Variants in ALKBH1 observed in about 807,000 individuals in gnomAD.
The protein encoded by ALKBH1 is alkB homolog 1, histone H2A dioxygenase.
In ALKBH1, 31 loss-of-function variants were observed where a neutral mutation model predicts 36.6. The ratio of observed to expected loss-of-function variants is 0.85; its 90% CI spans 0.64 to 1.14. The LOEUF (loss-of-function observed/expected upper bound fraction) is 1.14. Ranked by LOEUF, ALKBH1 falls within the 50% of genes most tolerant of loss-of-function variation. The pLI, the probability that ALKBH1 is intolerant of heterozygous loss-of-function variation, is 0.00. For synonymous variants in ALKBH1, 183 were observed against 186.6 expected (o/e 0.98, Z 0.16); for missense variants, 490 against 497.3 (o/e 0.99, Z 0.14).
intron 3 of ALKBH1, among the ~76,000 whole-genome samples, chr14:77,681,721 G>A (rs1046177499): frequency 1.3e-5 from 2 of 152,212 alleles, no homozygotes; most frequent in African/African-American, 2.4e-5. Context: ...CACCTAAACT[G>A]TGCAAACAAT....
At position 77,683,319 on chromosome 14, in the gene ALKBH1, T is replaced by C. The variant is rs1262795055; in HGVS notation, c.456-3349A>G. 5.4e-6 allele frequency: 4 copies of C among 740,640 alleles called. No individual in the cohort carries two copies. In the East Asian group the frequency reaches 1.0e-4, roughly 19 times the overall value. The allele number at this position is 740,640 out of a possible 1,614,324, so 45.9% of individuals were successfully genotyped here. On this transcript the variant is annotated intron_variant, in intron 3 of 5. Transcript: ENST00000216489. ...GGCACTTCAGTTGAACTCAGGTACCTTTCTCTTTGGGTTCTTTTTCTGATC... is the reference window on the plus strand; with the variant it reads ...GGCACTTCAGTTGAACTCAGGTACCCTTCTCTTTGGGTTCTTTTTCTGATC...
rs79717644 is a variant in ALKBH1 at position 77,682,051 on chromosome 14, T to C, written c.456-2081A>G. On this transcript the variant is annotated intron_variant, in intron 3 of 5. Transcript: ENST00000216489. ...CTGAGTCCTGAGTCTTCCTGGCGAA[T>C]CATCAAATTTGGGTGTGGTTTTGGG... 5.3e-5 allele frequency among the ~76,000 whole-genome samples: 8 copies of C among 152,266 alleles called. No homozygotes were observed. The East Asian group carries it at 1.5e-3, about 29-fold the overall frequency.
Position 77,673,615 on chromosome 14 carries a change from C to A in ALKBH1, c.*197G>T. Reference sequence around the variant, plus strand: ...CAGCCAACATGTAACTAGGAACAGACCATGTCAAACACTTCTCTGAGCAAA... The same window carrying A: ...CAGCCAACATGTAACTAGGAACAGAACATGTCAAACACTTCTCTGAGCAAA... On this transcript the variant is annotated 3_prime_UTR_variant, in exon 6 of 6. Transcript: ENST00000216489. 2 of 598,848 alleles carry A rather than the reference C, an allele frequency of 3.3e-6. No homozygotes were observed. The highest frequency in any genetic ancestry group is 3.0e-5 in the Admixed American group (1 of 32,854). 37.1% of individuals were successfully genotyped at this position (598,848 alleles called of 1,614,324 possible).
intron 2 of ALKBH1, among the ~76,000 whole-genome samples, chr14:77,700,289 C>T (rs1208556798): frequency 1.3e-5 from 2 of 152,062 alleles, no homozygotes; most frequent in Admixed American, 6.6e-5. Flanking sequence ...TAGATTCTTG[C>T]AGATATAGAA....
chr14:77,707,593 T>C (rs980184152), intron 1 of ALKBH1, among the ~76,000 whole-genome samples: 4 of 152,172 alleles, frequency 2.6e-5, no homozygotes, highest in African/African-American at 4.8e-5. Flanking sequence ...TCCCAGGCTC[T>C]TTTGACTGAG....
Position 77,673,808 on chromosome 14 carries a change from A to T in ALKBH1, c.*4T>A. 1 of 1,607,720 alleles carries T rather than the reference A, an allele frequency of 6.2e-7. No individual in the cohort carries two copies. The highest frequency in any genetic ancestry group is 1.1e-5 in the South Asian group (1 of 90,604). Reference sequence around the variant, plus strand: ...CTGAGTAAAAAGGATGGGATCTCCAAGTCTCAGCTGTCAGGGTTTATCCTG... The same window carrying T: ...CTGAGTAAAAAGGATGGGATCTCCATGTCTCAGCTGTCAGGGTTTATCCTG... On this transcript the variant is annotated 3_prime_UTR_variant, in exon 6 of 6. Transcript: ENST00000216489.
At position 77,681,317 on chromosome 14, in the gene ALKBH1, T is replaced by C. The variant is rs553046431; in HGVS notation, c.456-1347A>G. On this transcript the variant is annotated intron_variant, in intron 3 of 5. Coordinates refer to ENST00000216489, the MANE Select transcript of ALKBH1 (RefSeq NM_006020.3). ...AGCTCAAAGTCAGCTGTCGAATCAG[T>C]TGGGGCTTCTTGGCAGAGTTGGGAG... Among the ~76,000 whole-genome samples the C allele has an allele frequency of 7.9e-5, 12 of 152,158 alleles. No individual in the cohort carries two copies. In the South Asian group the frequency reaches 2.5e-3, roughly 32 times the overall value.
chr14:77,673,012 G>C lies in ALKBH1; in HGVS notation c.*800C>G, dbSNP rs2080184572. 1 of 152,128 alleles carries C rather than the reference G, an allele frequency of 6.6e-6. No homozygotes were observed. Among genetic ancestry groups the C allele is most frequent in the Admixed American group, 6.5e-5 (1 of 15,270 alleles). 9.4% of individuals were successfully genotyped at this position (152,128 alleles called of 1,614,324 possible). ...AACAGAAAAAAAAACCTTAATCCCA[G>C]ATAGACTAAACCCCAAAGACAGATA... On this transcript the variant is annotated 3_prime_UTR_variant, in exon 6 of 6. Transcript: ENST00000216489.
At chr14:77,677,684 G>A (rs770463720) in intron 4 of ALKBH1, among the ~76,000 whole-genome samples, 7 of 152,142 alleles carry the variant, frequency 4.6e-5, no homozygotes, top group Non-Finnish European at 8.8e-5. Flanking sequence ...GAATGGCCTG[G>A]TCTCTTCAGT....
chr14:77,703,379 C>T (rs1423137756), intron 2 of ALKBH1, among the ~76,000 whole-genome samples: 3 of 151,390 alleles, frequency 2.0e-5, no homozygotes, highest in African/African-American at 7.3e-5. Context: ...ACAAGCTCTG[C>T]CTCCCGGGAT....
chr14:77,673,780 T>TGCCTGAGTAAAAAGGATGGGATCTCCAA lies in ALKBH1; in HGVS notation c.*4_*31dup. The TGCCTGAGTAAAAAGGATGGGATCTCCAA allele has an allele frequency of 6.3e-7, 1 of 1,586,704 alleles. No homozygotes were observed. The highest frequency in any genetic ancestry group is 8.6e-7 in the Non-Finnish European group (1 of 1,163,986). On this transcript the variant is annotated 3_prime_UTR_variant, in exon 6 of 6. Transcript: ENST00000216489. ...AACATGATCATTTACGGTAAGCAGG[T>TGCCTGAGTAAAAAGGATGGGATCTCCAA]GCCTGAGTAAAAAGGATGGGATCTC...
intron 3 of ALKBH1, among the ~76,000 whole-genome samples, chr14:77,688,760 C>T (rs777500682): frequency 1.3e-5 from 2 of 151,720 alleles, no homozygotes; most frequent in Non-Finnish European, 2.9e-5. Context: ...TTAGTAGAGA[C>T]GGGGTTTCAC....
intron 5 of ALKBH1, among the ~76,000 whole-genome samples, chr14:77,674,557 T>C (rs866759308): frequency 2.2e-4 from 34 of 152,212 alleles, no homozygotes; most frequent in African/African-American, 8.2e-4. Context: ...ATGGTTTTTT[T>C]TTTAAAGACA....
chr14:77,694,769 C>T lies in ALKBH1; in HGVS notation c.424G>A (p.Asp142Asn). 6.2e-7 allele frequency: 1 copy of T among 1,604,206 alleles called. No homozygotes were observed. The highest frequency in any genetic ancestry group is 2.2e-5 in the East Asian group (1 of 44,672). ...DKHMSKEETQ[D>N]LWEQSKEFLR... is the part of the protein sequence containing the mutation. ...AACTCTTTGCTCTGTTCCCACAGAT[C>T]TTGGGTCTCTTCTTTAGACATGTGT... The change falls in exon 3 of 6, where the codon GAT becomes AAT. Residue 142 changes from aspartate (D) to asparagine (N), a missense_variant. Transcript: ENST00000216489.
intron 3 of ALKBH1, chr14:77,691,628 T>C (rs570423119): frequency 1.3e-5 from 2 of 152,316 alleles, no homozygotes; most frequent in African/African-American, 4.8e-5. Context: ...GCCAGTACAA[T>C]GTCTTGAGCA....
At chr14:77,699,009 C>A (rs1359838189) in intron 2 of ALKBH1, among the ~76,000 whole-genome samples, 1 of 152,170 alleles carries the variant, frequency 6.6e-6, no homozygotes, top group Non-Finnish European at 1.5e-5. Flanking sequence ...CTGGCCTCAA[C>A]TGATCTGCCC....
At chr14:77,688,653 A>T (rs1178996912) in intron 3 of ALKBH1, among the ~76,000 whole-genome samples, 2 of 151,572 alleles carry the variant, frequency 1.3e-5, no homozygotes, top group East Asian at 3.9e-4. Context: ...GCCGGGTTCA[A>T]GCGATTCTCC....
intron 3 of ALKBH1, among the ~76,000 whole-genome samples, chr14:77,693,247 C>T (rs897958786): frequency 1.4e-5 from 2 of 147,870 alleles, no homozygotes; most frequent in Non-Finnish European, 3.0e-5. Context: ...GAGATGGGGT[C>T]TTGCTATGTT....
intron 4 of ALKBH1, among the ~76,000 whole-genome samples, 186 bp downstream of exon 4, chr14:77,679,694 G>A (rs768480934): frequency 5.9e-5 from 9 of 152,160 alleles, no homozygotes; most frequent in African/African-American, 2.2e-4. Flanking sequence ...GCCTCCCAAA[G>A]TGCTGGGATT....
Sources: gnomAD v4.1 joint callset for allele counts (sites outside exome capture counted in the v4.1 genomes callset) on GRCh38, gnomAD v4.1.1 for gene constraint, MANE v1.5 for transcripts, NCBI Gene and HGNC (gene_info 2026-07-23, HGNC 2026-07-21) for gene names.